The following TPGS2 variants were observed in gnomAD, a reference collection of about 807,000 sequenced individuals.
The protein encoded by TPGS2 is tubulin polyglutamylase complex subunit 2, also known as polyglutamylase subunit 2.
A neutral mutation model predicts 31.1 loss-of-function variants in TPGS2; 26 were observed. That is an observed-to-expected ratio of 0.84 (90% CI 0.61 to 1.16). The LOEUF is 1.16. Ranked by LOEUF, TPGS2 falls within the 50% of genes most tolerant of loss-of-function variation. The pLI, the probability that TPGS2 is intolerant of heterozygous loss-of-function variation, is 0.00. For missense variants in TPGS2, 351 were observed against 363.8 expected (o/e 0.96, Z 0.29); for synonymous variants, 130 against 136.6 (o/e 0.95, Z 0.34).
downstream of TPGS2, among the ~76,000 whole-genome samples, chr18:36,782,356 G>GTATATCT (rs1033496181): frequency 1.3e-5 from 2 of 152,198 alleles, no homozygotes; most frequent in African/African-American, 4.8e-5. Flanking sequence ...TGCCACTGCA[G>GTATATCT]TATGAGAATA....
chr18:36,786,898 A>G (rs1351823037), intron 6 of TPGS2: 2 of 1,234,250 alleles, frequency 1.6e-6, no homozygotes, highest in African/African-American at 3.1e-5. Flanking sequence ...TGTTGTTCCC[A>G]TGCTGTTGGA....
At chr18:36,826,122 C>T (rs1207367069) in intron 1 of TPGS2, among the ~76,000 whole-genome samples, 1 of 152,044 alleles carries the variant, frequency 6.6e-6, no homozygotes, top group Non-Finnish European at 1.5e-5. Flanking sequence ...ACTGTAGCCT[C>T]GAACTCCTGG....
In TPGS2 at chr18:36,798,569, C is replaced by T. The variant is rs747984702; in HGVS notation, c.537G>A (p.Ala179=). 23 of 1,614,054 alleles carry T rather than the reference C, an allele frequency of 1.4e-5. No individual in the cohort carries two copies. In the Admixed American group the frequency reaches 2.7e-4, roughly 19 times the overall value. The change falls in exon 6 of 7, where the codon GCG becomes GCA. Residue 179 remains alanine, a synonymous_variant. Coordinates refer to ENST00000334295, the MANE Select transcript of TPGS2 (RefSeq NM_015476.4). ...EDTEIWFLDR[A]LYWHFLTDTF... is the part of the protein sequence containing the mutation. ...TGTCTGTGAGAAAATGCCAGTATAA[C>T]GCTCTGTCCAGGAACCAGATCTCAG... is the stretch of plus-strand genomic sequence containing the variant.
In TPGS2 at chr18:36,805,485, C is replaced by G. The variant is rs757602186; in HGVS notation, c.271G>C (p.Gly91Arg). The change falls in exon 4 of 7, where the codon GGA (glycine) becomes CGA (arginine). Residue 91 changes from glycine (G) to arginine (R), a missense_variant. Gly to Arg is a moderately radical substitution (Grantham distance 125, BLOSUM62 -2). Coordinates refer to ENST00000334295, the MANE Select transcript of TPGS2 (RefSeq NM_015476.4). Reference protein sequence around the residue: ...VKLDEHIIPLGSMAINSISKL... With the variant: ...VKLDEHIIPLRSMAINSISKL... ...GAGATGCTGTTAATTGCCATGCTTC[C>G]CAGTGGAATGATGTGCTCTAGGGGA... The G allele has an allele frequency of 1.9e-6, 3 of 1,613,978 alleles. No homozygotes were observed. The highest frequency in any genetic ancestry group is 1.7e-6 in the Non-Finnish European group (2 of 1,179,938).
intron 3 of TPGS2, 108 bp downstream of exon 3, chr18:36,807,739 C>T (rs2045226423): frequency 7.4e-6 from 7 of 946,140 alleles, no homozygotes; most frequent in African/African-American, 1.7e-5. Context: ...TGAGGGGCAC[C>T]CATGAAAACC....
downstream of TPGS2, among the ~76,000 whole-genome samples, chr18:36,791,723 G>T (rs555703185): frequency 1.3e-5 from 2 of 152,138 alleles, no homozygotes; most frequent in Admixed American, 6.5e-5. Flanking sequence ...ATCCAGTCTG[G>T]GTTGCTTAAG....
chr18:36,805,090 TCTGA>T (rs776777741), intron 4 of TPGS2, among the ~76,000 whole-genome samples: 8 of 152,200 alleles, frequency 5.3e-5, no homozygotes, highest in Non-Finnish European at 1.0e-4. Context: ...CAAACACAAC[TCTGA>T]CTAAGTCCTC....
chr18:36,782,391 A>G (rs2044038717), downstream of TPGS2, among the ~76,000 whole-genome samples: 1 of 150,504 alleles, frequency 6.6e-6, no homozygotes, highest in Admixed American at 6.6e-5. Flanking sequence ...TTCCCAGCCC[A>G]ATCTACACAT....
intron 6 of TPGS2, among the ~76,000 whole-genome samples, chr18:36,786,044 C>CT (rs35710977): frequency 0.12 from 18,401 of 152,130 alleles, 1,379 homozygotes; most frequent in Admixed American, 0.17. Flanking sequence ...GGGGTGGAGA[C>CT]TTTTAAATGT....
intron 6 of TPGS2, among the ~76,000 whole-genome samples, chr18:36,783,628 AG>A (rs889310656): frequency 4.3e-4 from 66 of 152,208 alleles, no homozygotes; most frequent in Non-Finnish European, 2.6e-4. Context: ...GGGGAAGAAC[AG>A]GGGCCAGGAG....
chr18:36,819,969 G>A (rs888801597), intron 1 of TPGS2, among the ~76,000 whole-genome samples: 1 of 152,198 alleles, frequency 6.6e-6, no homozygotes, highest in Admixed American at 6.5e-5. Context: ...GCTGACACAG[G>A]AGGGTAGCTT....
rs2045233717 is a variant in TPGS2, at chr18:36,807,840, G to A, written c.253+7C>T. ...GGAAATGTTCTCCTACAAGGAGGCT[G>A]ACTCACCATCCAGCTTCACACTCCA... On this transcript the variant is annotated splice_region_variant and intron_variant, in intron 3 of 6. Transcript: ENST00000334295. 6.2e-7 allele frequency: 1 copy of A among 1,613,646 alleles called. No homozygotes were observed. Among genetic ancestry groups the A allele is most frequent in the Non-Finnish European group, 8.5e-7 (1 of 1,179,786 alleles).
chr18:36,787,081 T>G, intron 6 of TPGS2: 1 of 1,232,688 alleles, frequency 8.1e-7, no homozygotes, highest in Non-Finnish European at 1.0e-6. Context: ...ATAAGTTATC[T>G]GGTGCAGATG....
chr18:36,820,095 C>G (rs1316964086), intron 1 of TPGS2, among the ~76,000 whole-genome samples: 1 of 152,166 alleles, frequency 6.6e-6, no homozygotes, highest in Non-Finnish European at 1.5e-5. Flanking sequence ...CTCCAAGTTG[C>G]CAGAAACTCA....
downstream of TPGS2, among the ~76,000 whole-genome samples, chr18:36,791,631 A>T (rs1407412232): frequency 6.6e-6 from 1 of 152,166 alleles, no homozygotes; most frequent in Non-Finnish European, 1.5e-5. Context: ...TCAACTATAT[A>T]TTAGCTTTTT....
intron 5 of TPGS2, among the ~76,000 whole-genome samples, chr18:36,799,016 T>TATCG (rs1390850134): frequency 6.6e-6 from 1 of 152,178 alleles, no homozygotes; most frequent in Non-Finnish European, 1.5e-5. Context: ...AAGAAGTCTC[T>TATCG]ATCGGTGCCA....
chr18:36,828,868 C>T lies in TPGS2; in HGVS notation c.-101G>A. The T allele has an allele frequency of 7.0e-7, 1 of 1,434,676 alleles. No individual in the cohort carries two copies. Among genetic ancestry groups the T allele is most frequent in the Non-Finnish European group, 9.5e-7 (1 of 1,051,706 alleles). 88.9% of individuals were successfully genotyped at this position (1,434,676 alleles called of 1,614,324 possible). A position where few individuals can be genotyped will look rare whatever the true frequency, so the allele number is the denominator to read the frequency against. ...ATGGCATGCCGGGAACGGTAGTTCTCGGCGCCTGAAAGCGCGGCGCAGTGA... is the reference window on the plus strand; with the variant it reads ...ATGGCATGCCGGGAACGGTAGTTCTTGGCGCCTGAAAGCGCGGCGCAGTGA... On this transcript the variant is annotated 5_prime_UTR_variant, in exon 1 of 7. Coordinates refer to ENST00000334295, the MANE Select transcript of TPGS2 (RefSeq NM_015476.4).
At chr18:36,788,719 A>T (rs1164695112) in intron 6 of TPGS2, 3 of 152,152 alleles carry the variant, frequency 2.0e-5, no homozygotes, top group African/African-American at 7.2e-5. Context: ...TTTTAATTTT[A>T]AATTTTAAAT....
At chr18:36,785,051 C>A (rs1490171215) in intron 6 of TPGS2, among the ~76,000 whole-genome samples, 1 of 152,096 alleles carries the variant, frequency 6.6e-6, no homozygotes, top group Non-Finnish European at 1.5e-5. Context: ...GTAATCTCAG[C>A]ACTTTGGGAG....
Sources: allele counts gnomAD v4.1 joint callset (sites outside exome capture counted in the v4.1 genomes callset), GRCh38; gene constraint gnomAD v4.1.1; transcripts MANE v1.5; gene names NCBI Gene and HGNC (gene_info 2026-07-23, HGNC 2026-07-21).